Variants in CACNA2D1 observed in about 807,000 individuals in gnomAD.
CACNA2D1 encodes calcium voltage-gated channel auxiliary subunit alpha2delta 1, also known as voltage-dependent calcium channel subunit alpha-2/delta-1.
CACNA2D1 carries 53 observed loss-of-function variants against 171.5 expected under a neutral mutation model. The observed-to-expected ratio is 0.31, with a 90% CI of 0.25 to 0.39. The LOEUF is 0.39. Among genes scored for constraint, CACNA2D1 ranks in the 10% least tolerant of loss-of-function variants. The pLI, the probability that CACNA2D1 is intolerant of heterozygous loss-of-function variation, is 1.00. For missense variants in CACNA2D1, 903 were observed against 1,299.8 expected (o/e 0.69, Z 4.69); for synonymous variants, 442 against 443.1 (o/e 1.00, Z 0.03).
chr7:81,965,865 C>T (rs1794661600), intron 31 of CACNA2D1, among the ~76,000 whole-genome samples, 200 bp from the exon 32 acceptor site: 1 of 151,644 alleles, frequency 6.6e-6, no homozygotes, highest in Non-Finnish European at 1.5e-5. Flanking sequence ...GCTTGATAAT[C>T]CAACACCAAC....
At chr7:81,983,222 C>T (rs1796613460) in intron 23 of CACNA2D1, 92 bp downstream of exon 23, 1 of 1,082,322 alleles carries the variant, frequency 9.2e-7, no homozygotes. Flanking sequence ...AAATGAGAAG[C>T]ACAGAGGATA....
chr7:82,178,389 C>T (rs1167116478), intron 3 of CACNA2D1, among the ~76,000 whole-genome samples: 1 of 152,154 alleles, frequency 6.6e-6, no homozygotes, highest in East Asian at 1.9e-4. Context: ...TAATACACAA[C>T]AATTATCATA....
At chr7:82,060,323 A>G (rs1357235778) in intron 10 of CACNA2D1, 105 bp downstream of exon 10, 3 of 726,228 alleles carry the variant, frequency 4.1e-6, no homozygotes, top group Non-Finnish European at 7.1e-6. Context: ...GCAATATATC[A>G]AAAATGTCTC....
intron 3 of CACNA2D1, among the ~76,000 whole-genome samples, chr7:82,319,945 T>C (rs1815606917): frequency 6.6e-6 from 1 of 152,142 alleles, no homozygotes; most frequent in Non-Finnish European, 1.5e-5. Context: ...ATACAAGGAC[T>C]GCCAACAGCA....
At chr7:81,957,859 C>T (rs968344918) in intron 38 of CACNA2D1, among the ~76,000 whole-genome samples, 21 of 152,036 alleles carry the variant, frequency 1.4e-4, no homozygotes, top group African/African-American at 5.1e-4. Flanking sequence ...ATATAGCCTC[C>T]TAGAATAATA....
chr7:82,342,036 A>G (rs1225309602), intron 2 of CACNA2D1, among the ~76,000 whole-genome samples: 1 of 133,366 alleles, frequency 7.5e-6, no homozygotes, highest in East Asian at 2.5e-4. Context: ...CCTGGGCTAC[A>G]GCGCGAGACT....
intron 24 of CACNA2D1, among the ~76,000 whole-genome samples, chr7:81,979,267 T>C (rs1240338748): frequency 6.6e-6 from 1 of 152,016 alleles, no homozygotes; most frequent in Non-Finnish European, 1.5e-5. Flanking sequence ...GTGATAGTTG[T>C]ACATATATGT....
intron 3 of CACNA2D1, among the ~76,000 whole-genome samples, chr7:82,267,946 A>G (rs761360100): frequency 1.3e-5 from 2 of 152,268 alleles, no homozygotes; most frequent in East Asian, 3.9e-4. Flanking sequence ...GCAGTGAGCC[A>G]AGATCGCACC....
intron 3 of CACNA2D1, among the ~76,000 whole-genome samples, chr7:82,181,318 T>G (rs959779602): frequency 6.6e-6 from 1 of 152,120 alleles, no homozygotes; most frequent in South Asian, 2.1e-4. Flanking sequence ...TCACTATCAT[T>G]TAACTAGTGT....
At chr7:82,410,609 A>G in intron 1 of CACNA2D1, 3 of 652,452 alleles carry the variant, frequency 4.6e-6, no homozygotes, top group Non-Finnish European at 5.7e-6. Flanking sequence ...CAAGGGAGGC[A>G]GACTGCAAGA....
intron 3 of CACNA2D1, among the ~76,000 whole-genome samples, chr7:82,199,965 C>T (rs1355966688): frequency 6.6e-6 from 1 of 151,926 alleles, no homozygotes; most frequent in Non-Finnish European, 1.5e-5. Flanking sequence ...TGAAAGAAGA[C>T]AGATACAAAA....
chr7:82,089,142 C>T (rs1563028727), intron 6 of CACNA2D1, among the ~76,000 whole-genome samples: 1 of 152,090 alleles, frequency 6.6e-6, no homozygotes, highest in Non-Finnish European at 1.5e-5. Flanking sequence ...TGACAGTTGC[C>T]CTCTTTTTCC....
At chr7:82,202,048 C>T (rs1348979627) in intron 3 of CACNA2D1, among the ~76,000 whole-genome samples, 3 of 152,204 alleles carry the variant, frequency 2.0e-5, no homozygotes, top group Non-Finnish European at 2.9e-5. Flanking sequence ...TCCAGCAAGA[C>T]ACAGCAAGTT....
intron 12 of CACNA2D1, chr7:82,029,088 T>C (rs1209747642): frequency 1.3e-5 from 2 of 151,748 alleles, no homozygotes; most frequent in African/African-American, 4.8e-5. Context: ...GCCAGCTTCA[T>C]TGTTGTCCTA....
intron 1 of CACNA2D1, among the ~76,000 whole-genome samples, chr7:82,369,528 TATTC>T (rs1411730029): frequency 1.3e-5 from 2 of 152,014 alleles, no homozygotes; most frequent in Non-Finnish European, 2.9e-5. Context: ...TTAATGTGTA[TATTC>T]ATTACATCAC....
chr7:82,423,468 G>C (rs1828904800), intron 1 of CACNA2D1, among the ~76,000 whole-genome samples: 1 of 152,112 alleles, frequency 6.6e-6, no homozygotes, highest in Non-Finnish European at 1.5e-5. Context: ...AAAATAGTTG[G>C]TTTGCTGAAA....
intron 3 of CACNA2D1, among the ~76,000 whole-genome samples, chr7:82,214,331 T>A (rs1412695224): frequency 1.3e-5 from 2 of 152,192 alleles, no homozygotes; most frequent in African/African-American, 4.8e-5. Context: ...CTTCTATGTA[T>A]GATACAATTC....
intron 3 of CACNA2D1, among the ~76,000 whole-genome samples, chr7:82,265,603 T>A (rs1285048797): frequency 1.3e-5 from 2 of 152,110 alleles, no homozygotes; most frequent in African/African-American, 2.4e-5. Context: ...TTCCTTTTTA[T>A]TTCTGAATAA....
intron 15 of CACNA2D1, among the ~76,000 whole-genome samples, chr7:82,008,476 T>C (rs1210134898): frequency 6.6e-6 from 1 of 152,152 alleles, no homozygotes; most frequent in Non-Finnish European, 1.5e-5. Flanking sequence ...CATAATTTAA[T>C]ACATTAAATG....
Sources: allele counts gnomAD v4.1 joint callset (sites outside exome capture counted in the v4.1 genomes callset), GRCh38; gene constraint gnomAD v4.1.1; transcripts MANE v1.5; gene names NCBI Gene and HGNC (gene_info 2026-07-23, HGNC 2026-07-21).